The following MAST1 variants were observed in gnomAD, a reference collection of about 807,000 sequenced individuals.
The protein encoded by MAST1 is microtubule-associated serine/threonine-protein kinase 1.
Under a neutral mutation model 124.6 loss-of-function variants are expected in MAST1, and 40 were observed. The observed-to-expected ratio is 0.32, with a 90% confidence interval of 0.25 to 0.42. MAST1 has a LOEUF of 0.42. MAST1 is among the 10% of genes least tolerant of loss of function. MAST1 has a pLI of 1.00. For missense variants in MAST1, 1,558 were observed against 2,181.9 expected (o/e 0.71, Z 5.70); for synonymous variants, 938 against 939.4 (o/e 1.00, Z 0.03).
At chr19:12,849,597 G>A (rs775103798) in intron 7 of MAST1, among the ~76,000 whole-genome samples, 1 of 151,896 alleles carries the variant, frequency 6.6e-6, no homozygotes, top group Non-Finnish European at 1.5e-5. Context: ...CCGGGAGGCA[G>A]TGGTTGCAGT....
At chr19:12,849,535 G>C (rs542252188) in intron 7 of MAST1, among the ~76,000 whole-genome samples, 7 of 151,922 alleles carry the variant, frequency 4.6e-5, no homozygotes, top group Admixed American at 3.3e-4. Flanking sequence ...TTGGTGGCAC[G>C]TGCCTGTAAT....
intron 10 of MAST1, among the ~76,000 whole-genome samples, chr19:12,856,715 T>G (rs1331481372): frequency 3.3e-5 from 5 of 152,236 alleles, no homozygotes; most frequent in African/African-American, 1.2e-4. Flanking sequence ...TTCCTCATTA[T>G]TTCTAACAGT....
Position 12,874,797 on chromosome 19 carries a change from G to T in MAST1, c.4640G>T (p.Cys1547Phe). ...TKPQVGLTSR[C>F]PAEAVPPAGL... ...CCTCAAGTGGGGCTGACCTCCCGGT[G>T]CCCTGCTGAAGCTGTGCCCCCAGCA... is the stretch of plus-strand genomic sequence containing the variant. Residue 1547 changes from cysteine to phenylalanine, a missense_variant, in exon 26 of 26, where the codon TGC becomes TTC. Physicochemically the swap from Cys to Phe is radical, Grantham distance 205. Around this residue, in one of 10 missense-constraint regions of MAST1, gnomAD observed 168 missense variants for 154.3 expected, o/e 1.09. Coordinates refer to ENST00000251472, the MANE Select transcript of MAST1 (RefSeq NM_014975.3). This position sits in a 1 kb window ranked among gnomAD's most constrained non-coding sequence, Gnocchi z 6.6. 1 of 1,601,642 alleles carries T rather than the reference G, an allele frequency of 6.2e-7. No homozygotes were observed. Among genetic ancestry groups the T allele is most frequent in the Non-Finnish European group, 8.5e-7 (1 of 1,171,732 alleles).
chr19:12,842,427 G>T (rs1003086404), intron 3 of MAST1, among the ~76,000 whole-genome samples: 6 of 152,044 alleles, frequency 3.9e-5, no homozygotes, highest in Admixed American at 3.3e-4. Flanking sequence ...CAAGTAGCTG[G>T]GATTACAGGC....
At chr19:12,858,778 T>C in intron 12 of MAST1, 39 bp downstream of exon 12, 1 of 1,608,750 alleles carries the variant, frequency 6.2e-7, no homozygotes. Flanking sequence ...GATGGGGCCG[T>C]GCTCACTGGT....
chr19:12,858,963 C>T (rs1970048137), intron 12 of MAST1: 2 of 603,312 alleles, frequency 3.3e-6, no homozygotes, highest in Non-Finnish European at 5.9e-6. Context: ...TAAAAACATT[C>T]AGTCTGACCC....
intron 2 of MAST1, 151 bp from the exon 3 acceptor site, chr19:12,840,840 C>T: frequency 2.6e-6 from 2 of 763,226 alleles, no homozygotes. Flanking sequence ...GACTCGGCAA[C>T]GAAAAAATTT....
In MAST1 at chr19:12,852,017, G is replaced by T. The variant is rs566894767; in HGVS notation, c.858G>T (p.Ala286=). The change falls in exon 8 of 26, where the codon GCG becomes GCT. Residue 286 remains alanine, a synonymous_variant. Transcript: ENST00000251472. ...TGCTTATTATCATCTCACGCCCTGC[G>T]AGGCTGCTGGAGTGCCTGGTGAGGG... ...KKLLIIISRP[A]RLLECLEFNP... The T allele has an allele frequency of 6.2e-7, 1 of 1,613,930 alleles. No individual in the cohort carries two copies. The highest frequency in any genetic ancestry group is 8.5e-7 in the Non-Finnish European group (1 of 1,180,024).
At position 12,868,928 on chromosome 19, in the gene MAST1, T is replaced by A. The variant is rs1599590953; in HGVS notation, c.2773+79T>A. On this transcript the variant is annotated intron_variant, in intron 21 of 25. Coordinates refer to ENST00000251472, the MANE Select transcript of MAST1 (RefSeq NM_014975.3). ...ACAGACCAATGAAAATGCTGCATTT[T>A]CCCTGTCCACCGTGATTGGCTCCAG... is the stretch of plus-strand genomic sequence containing the variant. 7 of 1,548,828 alleles carry A rather than the reference T, an allele frequency of 4.5e-6. No homozygotes were observed. The East Asian group carries it at 1.6e-4, about 35-fold the overall frequency.
chr19:12,868,321 C>T (rs1436838199), intron 20 of MAST1, among the ~76,000 whole-genome samples: 1 of 151,844 alleles, frequency 6.6e-6, no homozygotes, highest in East Asian at 1.9e-4. Context: ...GTTGGCAAGG[C>T]TGGTCTCGAA....
In MAST1 at chr19:12,866,690, C is replaced by A. The variant is rs1227396219; in HGVS notation, c.2067C>A (p.Asp689Glu). ...SDRYHHVNSY[D>E]EDDTTEEEPV... ...GGTATCACCACGTGAACTCCTATGA[C>A]GAGGATGACACGACGGAGGAGGAGC... Residue 689 changes from aspartate to glutamate, a missense_variant, in exon 18 of 26, where the codon GAC becomes GAA. By Grantham distance (45) the Asp-to-Glu change is conservative. This residue lies in a region of MAST1 where 287 missense variants were observed against 308.0 expected (regional missense o/e 0.93). Coordinates refer to ENST00000251472, the MANE Select transcript of MAST1 (RefSeq NM_014975.3). The surrounding 1 kb of genome is among the most constrained non-coding windows in gnomAD (Gnocchi z 5.2). 1 of 1,613,846 alleles carries A rather than the reference C, an allele frequency of 6.2e-7. No individual in the cohort carries two copies. The highest frequency in any genetic ancestry group is 2.2e-5 in the East Asian group (1 of 44,878).
rs1213667505 is a variant in MAST1, at chr19:12,873,381, T to C, written c.3321T>C (p.Thr1107=). 6.2e-7 allele frequency: 1 copy of C among 1,614,074 alleles called. No homozygotes were observed. Among genetic ancestry groups the C allele is most frequent in the African/African-American group, 1.3e-5 (1 of 75,054 alleles). The stretch of plus-strand genomic sequence containing the variant: ...CGAAGCAGTCGAACCTGCTGCATAC[T>C]AGCCGCTCGCTGTCGTCGCTGAACC... The part of the protein sequence containing the change: ...KITKQSNLLH[T]SRSLSSLNRS... Residue 1107 remains threonine, a synonymous_variant, in exon 25 of 26, where the codon ACT becomes ACC. Coordinates refer to ENST00000251472, the MANE Select transcript of MAST1 (RefSeq NM_014975.3).
chr19:12,865,973 G>A lies in MAST1; in HGVS notation c.1907-7G>A. The A allele has an allele frequency of 1.2e-6, 2 of 1,613,946 alleles. No homozygotes were observed. Among genetic ancestry groups the A allele is most frequent in the Non-Finnish European group, 1.7e-6 (2 of 1,180,010 alleles). On this transcript the variant is annotated splice_region_variant and splice_polypyrimidine_tract_variant and intron_variant, in intron 16 of 25. Coordinates refer to ENST00000251472, the MANE Select transcript of MAST1 (RefSeq NM_014975.3). This position sits in a 1 kb window ranked among gnomAD's most constrained non-coding sequence, Gnocchi z 7.1. ...ATCAGCTGTGGCTGGAATCCCTTCC[G>A]TCCCAGGCGGCGCTTTTGAGGTGAA...
Position 12,871,098 on chromosome 19 carries a change from C to T in MAST1, c.3189C>T (p.Pro1063=), listed in dbSNP as rs774689982. 1.5e-5 allele frequency: 25 copies of T among 1,614,160 alleles called. No homozygotes were observed. In the Middle Eastern group the frequency reaches 6.6e-4, roughly 43 times the overall value. ...PFENTSIRIG[P]ARRSSYKAKM... ...AAAATACCTCTATCCGCATTGGTCC[C>T]GCAAGGCGCAGCAGCTACAAGGCTA... Residue 1063 remains proline (P), a synonymous_variant, in exon 24 of 26, where the codon CCC becomes CCT. Coordinates refer to ENST00000251472, the MANE Select transcript of MAST1 (RefSeq NM_014975.3).
Position 12,869,287 on chromosome 19 carries a change from A to G in MAST1, c.2995A>G (p.Ile999Val). 1 of 1,613,220 alleles carries G rather than the reference A, an allele frequency of 6.2e-7. No homozygotes were observed. Among genetic ancestry groups the G allele is most frequent in the Non-Finnish European group, 8.5e-7 (1 of 1,179,532 alleles). Residue 999 changes from isoleucine to valine, a missense_variant, in exon 22 of 26, where the codon ATT (isoleucine) becomes GTT (valine). Around this residue, in one of 10 missense-constraint regions of MAST1, gnomAD observed 291 missense variants for 475.8 expected, o/e 0.61. Transcript: ENST00000251472. ...CACGGATGTCTATAGTGTCCACCAC[A>G]TTGTCTGGGTGAGTACTCATGGGTG... is the stretch of plus-strand genomic sequence containing the variant. ...GDTDVYSVHH[I>V]VWHVEEGGPA...
rs201267324 is a variant in MAST1 at position 12,870,844 on chromosome 19, A to G, written c.3024A>G (p.Pro1008=). Residue 1008 remains proline, a synonymous_variant, in exon 23 of 26, where the codon CCA becomes CCG. Coordinates refer to ENST00000251472, the MANE Select transcript of MAST1 (RefSeq NM_014975.3). The part of the protein sequence containing the change: ...HIVWHVEEGG[P]AQEAGLCAGD... ...CCCAGCATGTGGAGGAAGGAGGCCC[A>G]GCCCAGGAGGCAGGACTCTGTGCTG... 343 of 1,609,414 alleles carry G rather than the reference A, an allele frequency of 2.1e-4. 1 individual carries two copies. Among genetic ancestry groups the G allele is most frequent in the South Asian group, 1.1e-3 (102 of 90,812 alleles).
At chr19:12,848,459 A>AACAC (rs141864314) in intron 7 of MAST1, 3 of 181,938 alleles carry the variant, frequency 1.6e-5, no homozygotes, top group East Asian at 1.5e-4. Context: ...CTCTACTAAA[A>AACAC]ACACACACAC....
intron 1 of MAST1, among the ~76,000 whole-genome samples, chr19:12,839,531 C>T (rs1350735485): frequency 6.6e-6 from 1 of 152,192 alleles, no homozygotes; most frequent in African/African-American, 2.4e-5. Context: ...CTTGCAGAGA[C>T]AGAACCACGC....
chr19:12,863,158 C>CAAA (rs749539925), intron 12 of MAST1, among the ~76,000 whole-genome samples: 102 of 43,802 alleles, frequency 2.3e-3, no homozygotes, highest in East Asian at 4.2e-3. Context: ...GACTCTGACT[C>CAAA]AAAAAAAAAA....
Sources: gnomAD v4.1 joint callset for allele counts (sites outside exome capture counted in the v4.1 genomes callset) on GRCh38, gnomAD v4.1.1 for gene constraint, gnomAD v4.1.1 regional missense constraint, Gnocchi (gnomAD v3.1) non-coding constraint, MANE v1.5 for transcripts, NCBI Gene and HGNC (gene_info 2026-07-23, HGNC 2026-07-21) for gene names.